The following ADAM23 variants were observed in gnomAD, a reference collection of about 807,000 sequenced individuals.
ADAM23 encodes the protein ADAM metallopeptidase domain 23, also known as disintegrin and metalloproteinase domain-containing protein 23.
Under a neutral mutation model 120.1 loss-of-function variants are expected in ADAM23, and 33 were observed. That is an observed-to-expected ratio of 0.27 (90% CI 0.21 to 0.37). ADAM23 has a LOEUF of 0.37. Among genes scored for constraint, ADAM23 ranks in the 10% least tolerant of loss-of-function variants. The probability of loss-of-function intolerance (pLI) is 1.00; values close to 1 mark genes in which losing one functional copy is unlikely to be tolerated. For missense variants in ADAM23, 862 were observed against 1,058.2 expected, an observed-to-expected ratio of 0.81 and a Z score of 2.57; for synonymous variants, 367 against 375.2, an observed-to-expected ratio of 0.98 and a Z score of 0.25.
chr2:206,588,812 A>G (rs1297583559), intron 20 of ADAM23, among the ~76,000 whole-genome samples: 1 of 152,242 alleles, frequency 6.6e-6, no homozygotes, highest in Non-Finnish European at 1.5e-5. Context: ...AGCACACAGA[A>G]TGAGAACAGG....
chr2:206,603,592 T>C (rs991099600), intron 24 of ADAM23, among the ~76,000 whole-genome samples: 13 of 152,178 alleles, frequency 8.5e-5, no homozygotes, highest in Non-Finnish European at 1.8e-4. Context: ...ACTTACCAGC[T>C]AATAATGTGG....
intron 18 of ADAM23, among the ~76,000 whole-genome samples, chr2:206,578,077 A>G (rs922889982): frequency 3.3e-5 from 5 of 152,216 alleles, no homozygotes; most frequent in Non-Finnish European, 7.3e-5. Context: ...CTGAAACATC[A>G]CAAAAGTAAA....
chr2:206,490,505 T>C (rs1696111372), intron 3 of ADAM23, among the ~76,000 whole-genome samples: 1 of 152,212 alleles, frequency 6.6e-6, no homozygotes, highest in African/African-American at 2.4e-5. Context: ...TGATTGGAAC[T>C]GTTTTGGTAG....
At chr2:206,454,253 A>G (rs1574475849) in intron 2 of ADAM23, among the ~76,000 whole-genome samples, 1 of 152,118 alleles carries the variant, frequency 6.6e-6, no homozygotes, top group South Asian at 2.1e-4. Flanking sequence ...GGTGAAGGGG[A>G]AGCAAGCAAG....
At position 206,526,141 on chromosome 2, in the gene ADAM23, TACACACACACACACACAC is replaced by T. The variant is rs59684611; in HGVS notation, c.510-4722_510-4705del. On this transcript the variant is annotated intron_variant, in intron 3 of 25. Transcript: ENST00000264377. Reference sequence around the variant, plus strand: ...TCTCATATTCAAGGATTCCAACAAATACACACACACACACACACACACACACACACACACACACAGACA... The same window carrying T: ...TCTCATATTCAAGGATTCCAACAAATACACACACACACACACACACAGACA... Among the ~76,000 whole-genome samples, 46 of 145,682 alleles carry T rather than the reference TACACACACACACACACAC, an allele frequency of 3.2e-4. 3 individuals are homozygous for T. Among genetic ancestry groups the T allele is most frequent in the Admixed American group, 1.0e-3 (15 of 14,660 alleles).
chr2:206,464,013 A>G (rs575551614), intron 2 of ADAM23, among the ~76,000 whole-genome samples: 103 of 152,314 alleles, frequency 6.8e-4, no homozygotes, highest in African/African-American at 2.3e-3. Flanking sequence ...TCGAAGATCA[A>G]ATTTCTGGAC....
chr2:206,502,627 G>A (rs557740603), intron 3 of ADAM23, among the ~76,000 whole-genome samples: 3 of 152,104 alleles, frequency 2.0e-5, no homozygotes, highest in South Asian at 4.2e-4. Flanking sequence ...ATTGATCTGA[G>A]CAAAGCCCCA....
At chr2:206,587,458 A>G (rs1698345210) in intron 19 of ADAM23, 83 bp downstream of exon 19, 2 of 1,106,204 alleles carry the variant, frequency 1.8e-6, no homozygotes, top group Non-Finnish European at 2.6e-6. Context: ...AAATATTAAT[A>G]TAACTTTGAA....
chr2:206,513,409 ACATTCCATTCAGTGAAAG>A (rs1404824292), intron 3 of ADAM23, among the ~76,000 whole-genome samples: 8 of 152,200 alleles, frequency 5.3e-5, no homozygotes, highest in African/African-American at 1.9e-4. Flanking sequence ...ACCAGCCAAA[ACATTCCATTCAGTGAAAG>A]CTGAATCCAG....
At chr2:206,507,993 G>A (rs1696529665) in intron 3 of ADAM23, among the ~76,000 whole-genome samples, 1 of 152,128 alleles carries the variant, frequency 6.6e-6, no homozygotes, top group African/African-American at 2.4e-5. Context: ...AAATGAAGAA[G>A]AGACAAAGAG....
intron 22 of ADAM23, 88 bp downstream of exon 22, chr2:206,592,824 AT>A: frequency 6.8e-7 from 1 of 1,478,800 alleles, no homozygotes; most frequent in Non-Finnish European, 9.2e-7. Flanking sequence ...GAAATCAAAG[AT>A]TTTTCTAGTT....
At chr2:206,464,880 A>G (rs369988514) in intron 2 of ADAM23, among the ~76,000 whole-genome samples, 2 of 152,250 alleles carry the variant, frequency 1.3e-5, no homozygotes, top group Admixed American at 6.5e-5. Context: ...TAACAGGTCA[A>G]TAGTGCTGAG....
intron 8 of ADAM23, among the ~76,000 whole-genome samples, chr2:206,549,730 GAATA>G (rs1298422088): frequency 2.0e-5 from 3 of 151,798 alleles, no homozygotes; most frequent in Non-Finnish European, 4.4e-5. Flanking sequence ...AAGTAAATAT[GAATA>G]TTTTATCACA....
chr2:206,579,569 C>G (rs777804804), intron 18 of ADAM23, among the ~76,000 whole-genome samples: 2 of 151,868 alleles, frequency 1.3e-5, no homozygotes, highest in African/African-American at 2.4e-5. Flanking sequence ...TTTCTGGGTT[C>G]TATATGCCAT....
chr2:206,467,426 T>A (rs1574482585), intron 2 of ADAM23, among the ~76,000 whole-genome samples: 1 of 152,338 alleles, frequency 6.6e-6, no homozygotes, highest in East Asian at 1.9e-4. Flanking sequence ...CCCATGCAAG[T>A]CTGAAACCCA....
intron 2 of ADAM23, among the ~76,000 whole-genome samples, chr2:206,479,122 G>C (rs952452149): frequency 1.3e-5 from 2 of 152,220 alleles, no homozygotes; most frequent in African/African-American, 2.4e-5. Context: ...TGATTTACTA[G>C]CTCTTTGATT....
At chr2:206,460,798 C>A (rs1695401647) in intron 2 of ADAM23, among the ~76,000 whole-genome samples, 1 of 152,136 alleles carries the variant, frequency 6.6e-6, no homozygotes, top group Non-Finnish European at 1.5e-5. Flanking sequence ...GTGTTATATT[C>A]AAGAAATCAT....
intron 3 of ADAM23, among the ~76,000 whole-genome samples, chr2:206,522,433 T>C (rs1243631798): frequency 6.6e-6 from 1 of 152,066 alleles, no homozygotes; most frequent in African/African-American, 2.4e-5. Context: ...TATAAACAGA[T>C]GTGCAGTTTT....
intron 9 of ADAM23, among the ~76,000 whole-genome samples, chr2:206,551,045 A>T (rs1697514793): frequency 6.6e-6 from 1 of 152,240 alleles, no homozygotes; most frequent in African/African-American, 2.4e-5. Flanking sequence ...TCTTGAAGAT[A>T]CAATAGAAAC....
Sources: gnomAD v4.1 joint callset for allele counts (sites outside exome capture counted in the v4.1 genomes callset) on GRCh38, gnomAD v4.1.1 for gene constraint, MANE v1.5 for transcripts, NCBI Gene and HGNC (gene_info 2026-07-23, HGNC 2026-07-21) for gene names.